Variants in LARP1B observed in about 807,000 individuals in gnomAD.
The protein encoded by LARP1B is La ribonucleoprotein 1B.
In LARP1B, 76 loss-of-function variants were observed where a neutral mutation model predicts 114.2. That is an observed-to-expected ratio of 0.67 (90% CI 0.55 to 0.81). LARP1B has a LOEUF of 0.81. Ranked by LOEUF, LARP1B falls within the 30% of genes least tolerant of loss-of-function variation. The pLI is 0.00. For synonymous variants in LARP1B, 345 were observed against 348.0 expected (o/e 0.99, Z 0.10); for missense variants, 1,014 against 1,075.8 (o/e 0.94, Z 0.80).
chr4:128,092,136 T>C (rs1451315784), intron 7 of LARP1B, among the ~76,000 whole-genome samples: 3 of 152,160 alleles, frequency 2.0e-5, no homozygotes, highest in Non-Finnish European at 4.4e-5. Context: ...AGCTTCTCTA[T>C]ATATACTTGA....
At chr4:128,064,443 A>G (rs1166284853) in intron 1 of LARP1B, among the ~76,000 whole-genome samples, 3 of 152,196 alleles carry the variant, frequency 2.0e-5, no homozygotes, top group East Asian at 1.9e-4. Flanking sequence ...ACACTTGCAG[A>G]AAAAAAGTTT....
intron 11 of LARP1B, among the ~76,000 whole-genome samples, chr4:128,140,641 A>G (rs1388981803): frequency 6.6e-6 from 1 of 152,210 alleles, no homozygotes; most frequent in Non-Finnish European, 1.5e-5. Context: ...TGAATGCGTT[A>G]TAAGTTGCAC....
At chr4:128,108,834 C>T (rs1010184604) in intron 9 of LARP1B, 1 of 982,760 alleles carries the variant, frequency 1.0e-6, no homozygotes, top group South Asian at 4.7e-5. Flanking sequence ...TAAGATAGGT[C>T]AGTCAAGTTG....
chr4:128,072,099 A>G (rs1426636003), intron 1 of LARP1B, among the ~76,000 whole-genome samples: 1 of 151,984 alleles, frequency 6.6e-6, no homozygotes, highest in Non-Finnish European at 1.5e-5. Context: ...TCCTGGGTTC[A>G]AGCGATTCTC....
At chr4:128,108,242 G>A (rs1782765812) in intron 9 of LARP1B, 2 of 1,119,080 alleles carry the variant, frequency 1.8e-6, no homozygotes, top group Non-Finnish European at 2.2e-6. Flanking sequence ...TATGTTTTCT[G>A]TTTCCAGGGT....
chr4:128,130,342 C>T (rs978552183), intron 11 of LARP1B, among the ~76,000 whole-genome samples: 7 of 151,978 alleles, frequency 4.6e-5, no homozygotes, highest in Non-Finnish European at 7.4e-5. Flanking sequence ...AAAAAATGGT[C>T]GATAGACCAG....
downstream of LARP1B, among the ~76,000 whole-genome samples, chr4:128,213,542 G>A (rs1296587603): frequency 6.6e-6 from 1 of 152,074 alleles, no homozygotes; most frequent in Non-Finnish European, 1.5e-5. Flanking sequence ...AATTCTGAAT[G>A]TAAAGCTCAA....
intron 15 of LARP1B, among the ~76,000 whole-genome samples, chr4:128,193,161 T>C (rs1448479664): frequency 6.6e-6 from 1 of 152,232 alleles, no homozygotes; most frequent in East Asian, 1.9e-4. Flanking sequence ...TACTTTGTTA[T>C]TATTTTTCTT....
intron 1 of LARP1B, among the ~76,000 whole-genome samples, chr4:128,065,295 TTC>T (rs1762136023): frequency 1.5e-5 from 2 of 134,958 alleles, no homozygotes; most frequent in African/African-American, 5.8e-5. Flanking sequence ...CTTTCTTTCT[TTC>T]TTTCTTTCTT....
downstream of LARP1B, among the ~76,000 whole-genome samples, chr4:128,213,879 C>A (rs1385259415): frequency 6.6e-6 from 1 of 151,944 alleles, no homozygotes; most frequent in African/African-American, 2.4e-5. Context: ...TTCTGCATTT[C>A]CATCTGAGGT....
intron 5 of LARP1B, among the ~76,000 whole-genome samples, chr4:128,086,475 T>C (rs1021402538): frequency 6.6e-6 from 1 of 152,120 alleles, no homozygotes; most frequent in African/African-American, 2.4e-5. Flanking sequence ...ACTACAGGCA[T>C]GCACAACAGT....
At chr4:128,184,088 C>T (rs989314287) in intron 15 of LARP1B, among the ~76,000 whole-genome samples, 1 of 152,124 alleles carries the variant, frequency 6.6e-6, no homozygotes, top group African/African-American at 2.4e-5. Context: ...ATTCTGTGAA[C>T]ATTGTTGAAA....
intron 11 of LARP1B, among the ~76,000 whole-genome samples, chr4:128,151,895 C>T (rs1033744125): frequency 9.9e-5 from 15 of 152,138 alleles, no homozygotes; most frequent in Non-Finnish European, 1.9e-4. Flanking sequence ...TGAGCCACCG[C>T]GCCCAGCCAG....
chr4:128,091,152 A>T lies in LARP1B; in HGVS notation c.502+8A>T. The T allele has an allele frequency of 6.2e-7, 1 of 1,606,344 alleles. No individual in the cohort carries two copies. The highest frequency in any genetic ancestry group is 1.1e-5 in the South Asian group (1 of 88,570). The stretch of plus-strand genomic sequence containing the variant: ...GCAGAGGAAATCCTCGATGTATGAC[A>T]TAATTTTTGTTTCGTTAAATTAGAT... On this transcript the variant is annotated splice_region_variant and intron_variant, in intron 6 of 19. Coordinates refer to ENST00000326639, the MANE Select transcript of LARP1B (RefSeq NM_018078.4).
chr4:128,195,155 TATTA>T (rs1310015777), intron 15 of LARP1B, among the ~76,000 whole-genome samples: 1 of 152,216 alleles, frequency 6.6e-6, no homozygotes, highest in Non-Finnish European at 1.5e-5. Context: ...TCCAGCTTTC[TATTA>T]TATTTGCTCC....
intron 7 of LARP1B, among the ~76,000 whole-genome samples, chr4:128,093,392 C>G (rs571148563): frequency 1.3e-5 from 2 of 151,968 alleles, no homozygotes; most frequent in East Asian, 1.9e-4. Flanking sequence ...GTCAGGAGAT[C>G]GAGACCATCT....
chr4:128,156,576 AC>A (rs1464657473), intron 11 of LARP1B, among the ~76,000 whole-genome samples: 1 of 150,960 alleles, frequency 6.6e-6, no homozygotes, highest in Non-Finnish European at 1.5e-5. Context: ...ATCCAACCCT[AC>A]CCCCGTGACA....
chr4:128,205,236 G>A (rs1464650332), intron 17 of LARP1B, among the ~76,000 whole-genome samples: 1 of 152,220 alleles, frequency 6.6e-6, no homozygotes, highest in Non-Finnish European at 1.5e-5. Context: ...CACATACCCT[G>A]CTTCCTGTGA....
intron 11 of LARP1B, chr4:128,155,650 C>A: frequency 6.6e-7 from 1 of 1,525,246 alleles, no homozygotes. Flanking sequence ...GGCCCTGGGG[C>A]CGCCTCCAGT....
Sources: allele counts gnomAD v4.1 joint callset (sites outside exome capture counted in the v4.1 genomes callset), GRCh38; gene constraint gnomAD v4.1.1; transcripts MANE v1.5; gene names NCBI Gene and HGNC (gene_info 2026-07-23, HGNC 2026-07-21).